The following C7orf33 variants were observed in gnomAD, a reference collection of about 807,000 sequenced individuals.
C7orf33 encodes the protein uncharacterized protein C7orf33.
A neutral mutation model predicts 13.4 loss-of-function variants in C7orf33; 15 were observed. The ratio of observed to expected loss-of-function variants is 1.12; its 90% CI spans 0.75 to 1.72. The LOEUF (loss-of-function observed/expected upper bound fraction) is 1.72. Ranked by LOEUF, C7orf33 falls within the 40% of genes most tolerant of loss-of-function variation. C7orf33 has a pLI of 0.00. For missense variants in C7orf33, 187 were observed against 220.3 expected (o/e 0.85, Z 0.96); for synonymous variants, 73 against 83.2 (o/e 0.88, Z 0.67).
chr7:148,597,903 C>A (rs1478705029), intron 1 of C7orf33, among the ~76,000 whole-genome samples: 1 of 152,090 alleles, frequency 6.6e-6, no homozygotes, highest in Non-Finnish European at 1.5e-5. Context: ...CTACAGGTGC[C>A]TGCCACCATG....
At position 148,592,516 on chromosome 7, in the gene C7orf33, A is replaced by ATT. The variant is rs11373127; in HGVS notation, c.204+1402_204+1403dup. ...GGGTGGAGCATATAGGGTAGATAGG[A>ATT]TTTTTTTTTTTTTTTTGAGATGGAG... is the stretch of plus-strand genomic sequence containing the variant. On this transcript the variant is annotated intron_variant, in intron 1 of 2. Coordinates refer to ENST00000307003, the MANE Select transcript of C7orf33 (RefSeq NM_145304.4). Among the ~76,000 whole-genome samples, 1,074 of 140,854 alleles carry ATT rather than the reference A, an allele frequency of 7.6e-3. 17 individuals carry two copies. Among genetic ancestry groups the ATT allele is most frequent in the African/African-American group, 0.026 (1,009 of 38,756 alleles). The allele number at this position is 140,854 out of a possible 152,430, so 92.4% of individuals were successfully genotyped here.
At chr7:148,603,199 A>C (rs1796435899) in intron 1 of C7orf33, among the ~76,000 whole-genome samples, 1 of 152,194 alleles carries the variant, frequency 6.6e-6, no homozygotes, top group Non-Finnish European at 1.5e-5. Flanking sequence ...GAACACAAAT[A>C]AAACATCACA....
At chr7:148,600,799 CTTTTTT>C (rs11373798) in intron 1 of C7orf33, among the ~76,000 whole-genome samples, 1 of 103,720 alleles carries the variant, frequency 9.6e-6, no homozygotes, top group Non-Finnish European at 1.8e-5. Flanking sequence ...TTATGGACTT[CTTTTTT>C]TTTTTTTTTT....
intron 1 of C7orf33, among the ~76,000 whole-genome samples, chr7:148,605,921 T>C (rs1003728878): frequency 2.0e-5 from 3 of 152,250 alleles, no homozygotes. Flanking sequence ...CTGACTACAC[T>C]GGTGAACTTA....
In C7orf33 at chr7:148,615,686, G is replaced by A. The variant is rs898489492; in HGVS notation, c.*285G>A. 3.6e-5 allele frequency: 12 copies of A among 334,224 alleles called. No individual in the cohort carries two copies. The highest frequency in any genetic ancestry group is 1.2e-4 in the Admixed American group (3 of 24,906). The allele number at this position is 334,224 out of a possible 1,614,324, so 20.7% of individuals were successfully genotyped here. A position where few individuals can be genotyped will look rare whatever the true frequency, so the allele number is the denominator to read the frequency against. On this transcript the variant is annotated 3_prime_UTR_variant, in exon 3 of 3. Coordinates refer to ENST00000307003, the MANE Select transcript of C7orf33 (RefSeq NM_145304.4). ...AAGCCACCAGGTTCTAAAGGGAGAC[G>A]AAGATCCCCAGAGGACCTGGATAGA...
chr7:148,598,031 A>G (rs978272941), intron 1 of C7orf33, among the ~76,000 whole-genome samples: 3 of 152,218 alleles, frequency 2.0e-5, no homozygotes, highest in African/African-American at 7.2e-5. Flanking sequence ...TTGGGATTAC[A>G]GGAGTGAGCC....
intron 1 of C7orf33, among the ~76,000 whole-genome samples, chr7:148,601,759 T>C (rs1189528828): frequency 2.0e-5 from 3 of 151,924 alleles, no homozygotes. Context: ...TGTTTTGTTT[T>C]GTTTTAGAAA....
chr7:148,605,541 C>T (rs1796462889), intron 1 of C7orf33, among the ~76,000 whole-genome samples: 1 of 152,234 alleles, frequency 6.6e-6, no homozygotes, highest in African/African-American at 2.4e-5. Flanking sequence ...TGCTTCTTCA[C>T]CCCGGCAGCA....
At chr7:148,614,015 ATTTG>A (rs762128590) in intron 1 of C7orf33, 23 bp from the exon 2 acceptor site, 20 of 1,554,280 alleles carry the variant, frequency 1.3e-5, no homozygotes, top group South Asian at 2.3e-5. Context: ...CTTTAACCCA[ATTTG>A]TTTGTTTGTT....
intron 1 of C7orf33, among the ~76,000 whole-genome samples, chr7:148,598,429 G>A (rs1403595523): frequency 6.6e-6 from 1 of 151,822 alleles, no homozygotes; most frequent in African/African-American, 2.4e-5. Flanking sequence ...AACTTTCTCT[G>A]GGACAGTGCT....
chr7:148,592,181 G>A (rs140248933), intron 1 of C7orf33, among the ~76,000 whole-genome samples: 145 of 152,260 alleles, frequency 9.5e-4, no homozygotes, highest in African/African-American at 3.1e-3. Context: ...CTGGTCATTC[G>A]AGGGCAGAGA....
rs749336562 is a variant in C7orf33 at position 148,615,307 on chromosome 7, T to G, written c.460-20T>G. 6 of 1,551,114 alleles carry G rather than the reference T, an allele frequency of 3.9e-6. No homozygotes were observed. Among genetic ancestry groups the G allele is most frequent in the Non-Finnish European group, 5.3e-6 (6 of 1,123,012 alleles). On this transcript the variant is annotated intron_variant, in intron 2 of 2. Coordinates refer to ENST00000307003, the MANE Select transcript of C7orf33 (RefSeq NM_145304.4). Reference sequence around the variant, plus strand: ...GTAAATCATCCTGAGATAACAGAAGTCTTCGTAATCCACATGTAGGTACGT... The same window carrying G: ...GTAAATCATCCTGAGATAACAGAAGGCTTCGTAATCCACATGTAGGTACGT...
intron 1 of C7orf33, among the ~76,000 whole-genome samples, chr7:148,603,558 G>A (rs1320055088): frequency 6.6e-6 from 1 of 152,154 alleles, no homozygotes; most frequent in Non-Finnish European, 1.5e-5. Flanking sequence ...GCAGGATCCG[G>A]GATGCAGCAT....
At chr7:148,611,477 A>G (rs1796542392) in intron 1 of C7orf33, among the ~76,000 whole-genome samples, 1 of 152,182 alleles carries the variant, frequency 6.6e-6, no homozygotes. Context: ...GTGGTTGGAG[A>G]AGGGTCCGGC....
chr7:148,610,896 C>A (rs898880693), intron 1 of C7orf33, among the ~76,000 whole-genome samples: 5 of 152,236 alleles, frequency 3.3e-5, no homozygotes, highest in Non-Finnish European at 5.9e-5. Flanking sequence ...TTCTGCTCCA[C>A]AATCCACCCC....
chr7:148,597,189 C>T (rs1218621868), intron 1 of C7orf33, among the ~76,000 whole-genome samples: 1 of 151,068 alleles, frequency 6.6e-6, no homozygotes, highest in Non-Finnish European at 1.5e-5. Flanking sequence ...TATATATACA[C>T]ATATATATAA....
At chr7:148,602,570 C>T (rs1796428870) in intron 1 of C7orf33, among the ~76,000 whole-genome samples, 1 of 152,054 alleles carries the variant, frequency 6.6e-6, no homozygotes, top group East Asian at 1.9e-4. Context: ...TGCACTTCAG[C>T]CTAGGCAACA....
At chr7:148,596,520 C>A (rs1475832262) in intron 1 of C7orf33, among the ~76,000 whole-genome samples, 1 of 152,082 alleles carries the variant, frequency 6.6e-6, no homozygotes, top group African/African-American at 2.4e-5. Context: ...CAAGGAGGAG[C>A]AAATCACGTC....
At chr7:148,602,632 A>G (rs1441293514) in intron 1 of C7orf33, among the ~76,000 whole-genome samples, 2 of 152,166 alleles carry the variant, frequency 1.3e-5, no homozygotes, top group Non-Finnish European at 2.9e-5. Flanking sequence ...GATTCCTGCT[A>G]TCAACACTTC....
Sources: allele counts gnomAD v4.1 joint callset (sites outside exome capture counted in the v4.1 genomes callset), GRCh38; gene constraint gnomAD v4.1.1; transcripts MANE v1.5; gene names NCBI Gene and HGNC (gene_info 2026-07-23, HGNC 2026-07-21).